NPIPB2: variants seen among roughly 807,000 people sequenced by gnomAD.
The protein encoded by NPIPB2 is nuclear pore complex interacting protein family member B2.
In NPIPB2, 27 loss-of-function variants were observed where a neutral mutation model predicts 30.8. That is an observed-to-expected ratio of 0.88 (90% CI 0.65 to 1.21). The LOEUF (loss-of-function observed/expected upper bound fraction) is 1.21. NPIPB2 is among the 50% of genes most tolerant of loss of function. NPIPB2 has a pLI of 0.00. For missense variants in NPIPB2, 440 were observed against 446.2 expected (o/e 0.99, Z 0.13); for synonymous variants, 147 against 162.0 (o/e 0.91, Z 0.70).
At chr16:11,950,146 C>T (rs1262852292) in intron 1 of NPIPB2, among the ~76,000 whole-genome samples, 1 of 152,142 alleles carries the variant, frequency 6.6e-6, no homozygotes, top group East Asian at 1.9e-4. Flanking sequence ...GATTCTCCTG[C>T]CTCAGCCTAC....
rs1442879184 is a variant in NPIPB2, at chr16:11,969,184, T to C, written c.-584+7384A>G. ...GCCCGGCCCCAGTCATACGCTTCTA[T>C]GGTTAGGGCGCTTCTCTCCGATATA... On this transcript the variant is annotated intron_variant, in intron 1 of 5. Coordinates refer to the NPIPB2 transcript ENST00000538896. Among the ~76,000 whole-genome samples, 3 of 152,046 alleles carry C rather than the reference T, an allele frequency of 2.0e-5. No individual in the cohort carries two copies. The East Asian group carries it at 5.8e-4, about 30-fold the overall frequency.
rs745896809 is a variant in NPIPB2, at chr16:11,927,617, T to A, written c.950A>T (p.Asp317Val). Residue 317 changes from aspartate to valine, a missense_variant, in exon 8 of 8, where the codon GAT becomes GTT. Asp to Val is a radical substitution (Grantham distance 152). This residue lies in a region of NPIPB2 where 140 missense variants were observed against 116.8 expected (regional missense o/e 1.20). Transcript: ENST00000399147. The stretch of plus-strand genomic sequence containing the variant: ...TAAGGGAGGTGTCTTGAGATTATCA[T>A]CCGCTGAGGGTGGAGCTGAGGGTGG... 2.5e-6 allele frequency: 4 copies of A among 1,603,576 alleles called. No individual in the cohort carries two copies. In the Admixed American group the frequency reaches 6.7e-5, roughly 27 times the overall value.
chr16:11,934,553 C>CA (rs1184843851), intron 2 of NPIPB2, among the ~76,000 whole-genome samples: 5,663 of 72,928 alleles, frequency 0.078, 215 homozygotes, highest in African/African-American at 0.095. Context: ...AACTCTGTCT[C>CA]AAAAAAAAAA....
chr16:11,933,667 A>G, exon 4 of NPIPB2: 1 of 1,596,958 alleles, frequency 6.3e-7, no homozygotes, highest in South Asian at 1.1e-5. Context: ...ATTTCCTGGA[A>G]AGGAAGAAAC....
chr16:11,960,741 A>G (rs1334169165), intron 1 of NPIPB2, among the ~76,000 whole-genome samples: 3 of 152,082 alleles, frequency 2.0e-5, no homozygotes, highest in Non-Finnish European at 4.4e-5. Context: ...GGACACACTC[A>G]AAGGCCATCA....
chr16:11,927,590 G>A (rs1220868164), exon 8 of NPIPB2: 11 of 1,604,984 alleles, frequency 6.9e-6, no homozygotes, highest in Non-Finnish European at 9.3e-6. Flanking sequence ...CTCCTGAGTA[G>A]CTAAGGGAGG....
chr16:11,949,804 T>C (rs927909709), intron 1 of NPIPB2, among the ~76,000 whole-genome samples: 6 of 152,274 alleles, frequency 3.9e-5, no homozygotes, highest in African/African-American at 7.2e-5. Context: ...CAGAGCGACA[T>C]TGGGTGTCAC....
At chr16:11,961,625 C>T (rs565229566) in intron 1 of NPIPB2, among the ~76,000 whole-genome samples, 1 of 151,524 alleles carries the variant, frequency 6.6e-6, no homozygotes, top group East Asian at 2.0e-4. Context: ...ACTAAAAATA[C>T]AAAAATTAGC....
chr16:11,969,463 G>A (rs563942002), intron 1 of NPIPB2, among the ~76,000 whole-genome samples: 1 of 152,044 alleles, frequency 6.6e-6, no homozygotes, highest in South Asian at 2.1e-4. Flanking sequence ...CACCATCTTC[G>A]CCAGACTGGT....
chr16:11,945,704 A>G (rs1476892856), upstream of NPIPB2, among the ~76,000 whole-genome samples: 14 of 151,720 alleles, frequency 9.2e-5, no homozygotes, highest in Non-Finnish European at 1.9e-4. Flanking sequence ...CAAAAACAAA[A>G]TGCTGGAGTC....
chr16:11,931,628 G>C (rs1031386527), intron 4 of NPIPB2, among the ~76,000 whole-genome samples: 2 of 150,294 alleles, frequency 1.3e-5, no homozygotes, highest in South Asian at 2.1e-4. Flanking sequence ...TGAGAAGCCA[G>C]TGAGGACATC....
intron 1 of NPIPB2, chr16:11,967,652 G>A: frequency 6.2e-7 from 1 of 1,614,190 alleles, no homozygotes; most frequent in East Asian, 2.2e-5. Flanking sequence ...GAGGCCTCGA[G>A]TACACGGTGG....
chr16:11,937,716 A>G (rs758126807), intron 1 of NPIPB2, 48 bp from the exon 2 acceptor site: 2 of 1,589,606 alleles, frequency 1.3e-6, no homozygotes, highest in Admixed American at 3.4e-5. Flanking sequence ...GACACTGACA[A>G]TATTTCACTC....
intron 1 of NPIPB2, among the ~76,000 whole-genome samples, chr16:11,969,945 A>C (rs1287374595): frequency 1.2e-3 from 4 of 3,292 alleles, no homozygotes; most frequent in South Asian, 0.01. Context: ...TGCAACCTCT[A>C]CCTCAAGAGG....
intron 1 of NPIPB2, among the ~76,000 whole-genome samples, chr16:11,975,022 C>T (rs936019327): frequency 6.6e-6 from 1 of 150,986 alleles, no homozygotes; most frequent in African/African-American, 2.4e-5. Context: ...TTGCAGTGAG[C>T]CAAGATCGCG....
At chr16:11,962,726 T>G (rs533603034) in intron 1 of NPIPB2, among the ~76,000 whole-genome samples, 1 of 152,210 alleles carries the variant, frequency 6.6e-6, no homozygotes, top group East Asian at 1.9e-4. Flanking sequence ...TGAAAAATCT[T>G]TGGCACTGTT....
At chr16:11,971,155 C>A (rs960714768) in intron 1 of NPIPB2, among the ~76,000 whole-genome samples, 3 of 152,080 alleles carry the variant, frequency 2.0e-5, no homozygotes, top group African/African-American at 7.2e-5. Flanking sequence ...CCACGCCTGG[C>A]CTAAAATCAG....
chr16:11,946,972 T>G (rs111637987), upstream of NPIPB2, among the ~76,000 whole-genome samples: 21 of 150,674 alleles, frequency 1.4e-4, no homozygotes, highest in Admixed American at 2.0e-4. Flanking sequence ...TCCACCTGCC[T>G]CAATCTCCCA....
At position 11,941,695 on chromosome 16, in the gene NPIPB2, T is replaced by C. The variant is rs927902453; in HGVS notation, c.63+288A>G. On this transcript the variant is annotated intron_variant, in intron 1 of 7. Coordinates refer to ENST00000399147, the Ensembl canonical transcript of NPIPB2. ...TTTATACTCCCTCTCCACCAATCCCTGATGACCCCGGTGGTGCCTCACAAT... is the reference window on the plus strand; with the variant it reads ...TTTATACTCCCTCTCCACCAATCCCCGATGACCCCGGTGGTGCCTCACAAT... 12 of 692,386 alleles carry C rather than the reference T, an allele frequency of 1.7e-5. No individual in the cohort carries two copies. The Admixed American group carries it at 2.6e-4, about 15-fold the overall frequency. The allele number at this position is 692,386 out of a possible 1,614,324, so 42.9% of individuals were successfully genotyped here.
Sources: gnomAD v4.1 joint callset for allele counts (sites outside exome capture counted in the v4.1 genomes callset) on GRCh38, gnomAD v4.1.1 for gene constraint, gnomAD v4.1.1 regional missense constraint, MANE v1.5 for transcripts, NCBI Gene and HGNC (gene_info 2026-07-23, HGNC 2026-07-21) for gene names.